The following HMCN1 variants were observed in gnomAD, a reference collection of about 807,000 sequenced individuals.
HMCN1 encodes the protein hemicentin 1.
Under a neutral mutation model 625.9 loss-of-function variants are expected in HMCN1, and 321 were observed. The ratio of observed to expected loss-of-function variants is 0.51; its 90% CI spans 0.47 to 0.56. The LOEUF is 0.56. Among genes scored for constraint, HMCN1 ranks in the 20% least tolerant of loss-of-function variants. HMCN1 has a pLI of 0.00. For synonymous variants in HMCN1, 2,425 were observed against 2,417.6 expected (o/e 1.00, Z -0.09); for missense variants, 6,588 against 6,887.3 (o/e 0.96, Z 1.54).
chr1:186,137,501 A>C lies in HMCN1; in HGVS notation c.13586A>C (p.His4529Pro). The C allele has an allele frequency of 6.2e-7, 1 of 1,613,446 alleles. No homozygotes were observed. The highest frequency in any genetic ancestry group is 8.5e-7 in the Non-Finnish European group (1 of 1,179,768). Residue 4529 changes from histidine (H) to proline (P), a missense_variant, in exon 88 of 107, where the codon CAT (histidine) becomes CCT (proline). Physicochemically the swap from His to Pro is moderately conservative, Grantham distance 77. Coordinates refer to ENST00000271588, the MANE Select transcript of HMCN1 (RefSeq NM_031935.3). ...LVRVPVIVQV[H>P]GGFSQWSAWR... is the part of the protein sequence containing the mutation. Reference sequence around the variant, plus strand: ...AAGTACAATGTTTTATTTGCAGTTCATGGTGGATTTTCCCAGTGGTCTGCA... The same window carrying C: ...AAGTACAATGTTTTATTTGCAGTTCCTGGTGGATTTTCCCAGTGGTCTGCA...
chr1:185,772,235 T>C (rs144577683), intron 1 of HMCN1, among the ~76,000 whole-genome samples: 1 of 152,240 alleles, frequency 6.6e-6, no homozygotes, highest in East Asian at 1.9e-4. Context: ...CTGTGAGTGA[T>C]GAAGAACCAT....
At chr1:185,905,239 T>C (rs1041877134) in intron 4 of HMCN1, among the ~76,000 whole-genome samples, 3 of 151,588 alleles carry the variant, frequency 2.0e-5, no homozygotes, top group Non-Finnish European at 4.4e-5. Flanking sequence ...TCCCATTTTC[T>C]CTCTCTCTTG....
intron 8 of HMCN1, among the ~76,000 whole-genome samples, chr1:185,924,005 C>G (rs1038543937): frequency 6.6e-6 from 1 of 152,114 alleles, no homozygotes; most frequent in African/African-American, 2.4e-5. Flanking sequence ...TTGTCAGAAA[C>G]TTTCTGCTCC....
intron 102 of HMCN1, among the ~76,000 whole-genome samples, chr1:186,173,309 A>G (rs1041140254): frequency 6.6e-6 from 1 of 152,142 alleles, no homozygotes; most frequent in Non-Finnish European, 1.5e-5. Flanking sequence ...AGTATAATTT[A>G]AAAAAACAAC....
At chr1:185,938,606 T>C (rs562397434) in intron 11 of HMCN1, among the ~76,000 whole-genome samples, 11 of 152,304 alleles carry the variant, frequency 7.2e-5, no homozygotes, top group African/African-American at 2.2e-4. Context: ...CCAGTGGGAC[T>C]TGGACTCTTG....
At position 186,132,412 on chromosome 1, in the gene HMCN1, A is replaced by G; in HGVS notation, c.13312+3A>G. 5 of 1,604,616 alleles carry G rather than the reference A, an allele frequency of 3.1e-6. No individual in the cohort carries two copies. Among genetic ancestry groups the G allele is most frequent in the Non-Finnish European group, 4.3e-6 (5 of 1,173,660 alleles). ...CAGCATGAGTCTGACTCTGCAAAGT[A>G]AGCTGCTTAATGAAACTAATTAAAC... On this transcript the variant is annotated splice_donor_region_variant and intron_variant, in intron 86 of 106. Transcript: ENST00000271588.
At position 186,095,296 on chromosome 1, in the gene HMCN1, G is replaced by A. The variant is rs370347506; in HGVS notation, c.10348G>A (p.Gly3450Ser). 119 of 1,613,632 alleles carry A rather than the reference G, an allele frequency of 7.4e-5. No homozygotes were observed. The highest frequency in any genetic ancestry group is 9.8e-5 in the Non-Finnish European group (116 of 1,179,832). ...MGTEEITVLK[G>S]SSTSMACITD... ...GACAGAGGAAATCACAGTTCTCAAA[G>A]GTAGTTCCACCTCTATGGCATGCAT... Residue 3450 changes from glycine to serine, a missense_variant, in exon 68 of 107, where the codon GGT (glycine) becomes AGT (serine). Gly to Ser is a moderately conservative substitution (Grantham distance 56, BLOSUM62 0). This residue lies in a region of HMCN1 where 4,628 missense variants were observed against 4,853.1 expected (regional missense o/e 0.95). Coordinates refer to ENST00000271588, the MANE Select transcript of HMCN1 (RefSeq NM_031935.3).
At chr1:185,835,446 G>C (rs1661109905) in intron 1 of HMCN1, among the ~76,000 whole-genome samples, 2 of 152,020 alleles carry the variant, frequency 1.3e-5, no homozygotes, top group Non-Finnish European at 2.9e-5. Flanking sequence ...GGAGGGGGTG[G>C]GATGGCTCAA....
chr1:186,053,697 C>A, intron 43 of HMCN1, 128 bp from the exon 44 acceptor site: 1 of 875,638 alleles, frequency 1.1e-6, no homozygotes, highest in South Asian at 1.4e-5. Flanking sequence ...CACACTAGGG[C>A]AGGATTATTT....
intron 100 of HMCN1, among the ~76,000 whole-genome samples, chr1:186,167,354 G>A (rs187089403): frequency 1.7e-3 from 261 of 152,206 alleles, no homozygotes; most frequent in African/African-American, 6.0e-3. Flanking sequence ...ACAGTTTTAG[G>A]TTCACAGCAA....
Position 185,911,824 on chromosome 1 carries a change from T to A in HMCN1, c.900+44T>A, listed in dbSNP as rs765193136. On this transcript the variant is annotated intron_variant, in intron 6 of 106. Transcript: ENST00000271588. ...GTTTGTTTATTGTTTTATTTTGAAG[T>A]TGGCATTTTTCATGAAGTATACACA... 8 of 1,427,330 alleles carry A rather than the reference T, an allele frequency of 5.6e-6. No homozygotes were observed. In the African/African-American group the frequency reaches 7.0e-5, roughly 13 times the overall value. The allele number at this position is 1,427,330 out of a possible 1,614,324, so 88.4% of individuals were successfully genotyped here. A position where few individuals can be genotyped will look rare whatever the true frequency, so the allele number is the denominator to read the frequency against.
intron 13 of HMCN1, among the ~76,000 whole-genome samples, chr1:185,964,536 G>C (rs1295265432): frequency 6.6e-6 from 1 of 152,114 alleles, no homozygotes; most frequent in Non-Finnish European, 1.5e-5. Context: ...ATTCAAAAGA[G>C]ATAATAAAGA....
chr1:186,171,317 AGTTTT>A lies in HMCN1; in HGVS notation c.15575-14_15575-10del. 6.4e-7 allele frequency: 1 copy of A among 1,551,746 alleles called. No individual in the cohort carries two copies. Among genetic ancestry groups the A allele is most frequent in the South Asian group, 1.1e-5 (1 of 89,864 alleles). On this transcript the variant is annotated splice_polypyrimidine_tract_variant and intron_variant, in intron 100 of 106. Coordinates refer to ENST00000271588, the MANE Select transcript of HMCN1 (RefSeq NM_031935.3). The stretch of plus-strand genomic sequence containing the variant: ...AGGTTTCCTAATAGCATATAATGAA[AGTTTT>A]GTTTTATTTAACAGATATTAATGAA...
chr1:186,030,428 T>A (rs10798032), intron 36 of HMCN1, among the ~76,000 whole-genome samples: 92,596 of 151,936 alleles, frequency 0.61, 29,169 homozygotes, highest in African/African-American at 0.78. Context: ...CTTTTGTATT[T>A]TTTTTAAAGT....
At chr1:186,082,793 C>A (rs977031510) in intron 56 of HMCN1, 72 bp from the exon 57 acceptor site, 3 of 768,090 alleles carry the variant, frequency 3.9e-6, no homozygotes, top group Non-Finnish European at 6.1e-6. Context: ...ATTATTTATT[C>A]TAAAAAATAG....
At chr1:185,879,989 A>G (rs1184570768) in intron 4 of HMCN1, among the ~76,000 whole-genome samples, 1 of 152,220 alleles carries the variant, frequency 6.6e-6, no homozygotes, top group Non-Finnish European at 1.5e-5. Flanking sequence ...ACAAGTCTCA[A>G]AGGAGCAGAG....
intron 56 of HMCN1, among the ~76,000 whole-genome samples, 186 bp downstream of exon 56, chr1:186,081,580 C>A (rs1395738913): frequency 6.6e-6 from 1 of 152,114 alleles, no homozygotes; most frequent in East Asian, 1.9e-4. Flanking sequence ...CCAGAGGTTA[C>A]CACTGTTAAT....
chr1:186,186,730 C>A (rs1653334625), intron 105 of HMCN1, among the ~76,000 whole-genome samples: 1 of 152,104 alleles, frequency 6.6e-6, no homozygotes, highest in African/African-American at 2.4e-5. Flanking sequence ...GAGATGTTCT[C>A]AGGCAAATTG....
intron 1 of HMCN1, among the ~76,000 whole-genome samples, chr1:185,762,273 C>T (rs1341631776): frequency 6.6e-6 from 1 of 152,154 alleles, no homozygotes; most frequent in African/African-American, 2.4e-5. Context: ...GAATGGCAAT[C>T]ATTTGTTTCA....
Sources: gnomAD v4.1 joint callset for allele counts (sites outside exome capture counted in the v4.1 genomes callset) on GRCh38, gnomAD v4.1.1 for gene constraint, gnomAD v4.1.1 regional missense constraint, MANE v1.5 for transcripts, NCBI Gene and HGNC (gene_info 2026-07-23, HGNC 2026-07-21) for gene names.